ASAP1: variants seen among roughly 807,000 people sequenced by gnomAD.
The protein encoded by ASAP1 is arf-GAP with SH3 domain, ANK repeat and PH domain-containing protein 1.
ASAP1 carries 43 observed loss-of-function variants against 145.2 expected under a neutral mutation model. That is an observed-to-expected ratio of 0.30 (90% CI 0.23 to 0.38). ASAP1 has a LOEUF of 0.38. Ranked by LOEUF, ASAP1 falls within the 10% of genes least tolerant of loss-of-function variation. The pLI, the probability that ASAP1 is intolerant of heterozygous loss-of-function variation, is 1.00. For synonymous variants in ASAP1, 546 were observed against 515.5 expected (o/e 1.06, Z -0.80); for missense variants, 1,018 against 1,355.3 (o/e 0.75, Z 3.91).
chr8:130,240,882 GCTGC>G (rs1818485085), intron 3 of ASAP1, among the ~76,000 whole-genome samples: 4 of 152,086 alleles, frequency 2.6e-5, no homozygotes, highest in Non-Finnish European at 4.4e-5. Context: ...GATGCAGGCT[GCTGC>G]AAATCAGAGA....
At chr8:130,301,777 C>T (rs997962233) in intron 3 of ASAP1, among the ~76,000 whole-genome samples, 3 of 152,206 alleles carry the variant, frequency 2.0e-5, no homozygotes, top group Admixed American at 1.3e-4. Context: ...GACTGTCTTT[C>T]CATGTCAACA....
intron 27 of ASAP1, among the ~76,000 whole-genome samples, chr8:130,067,916 G>T (rs1048512119): frequency 6.6e-6 from 1 of 152,168 alleles, no homozygotes; most frequent in Admixed American, 6.5e-5. Context: ...TCTGCTGGGA[G>T]CCGTACACCA....
chr8:130,131,828 T>C (rs977419190), intron 15 of ASAP1, among the ~76,000 whole-genome samples: 7 of 151,992 alleles, frequency 4.6e-5, no homozygotes, highest in Non-Finnish European at 8.8e-5. Flanking sequence ...AAGTGCAAAA[T>C]GCGCAACTTC....
At chr8:130,256,638 T>G (rs1819532306) in intron 3 of ASAP1, among the ~76,000 whole-genome samples, 1 of 151,184 alleles carries the variant, frequency 6.6e-6, no homozygotes, top group Admixed American at 6.6e-5. Flanking sequence ...ACTTAGAAGC[T>G]AAGTATGTAG....
At chr8:130,242,393 T>G (rs998249937) in intron 3 of ASAP1, among the ~76,000 whole-genome samples, 1 of 152,050 alleles carries the variant, frequency 6.6e-6, no homozygotes, top group Non-Finnish European at 1.5e-5. Flanking sequence ...TGGATGCATT[T>G]GTCCCATAAT....
intron 3 of ASAP1, among the ~76,000 whole-genome samples, chr8:130,281,602 T>G (rs1170170909): frequency 1.3e-5 from 2 of 152,054 alleles, no homozygotes; most frequent in African/African-American, 4.8e-5. Context: ...TTTGGGGGGG[T>G]TAAAAAAACA....
intron 5 of ASAP1, among the ~76,000 whole-genome samples, chr8:130,203,544 T>C (rs1208499121): frequency 5.3e-5 from 8 of 152,154 alleles, no homozygotes; most frequent in Non-Finnish European, 8.8e-5. Flanking sequence ...CAGGCAACAT[T>C]GTGCAGAGGA....
intron 2 of ASAP1, among the ~76,000 whole-genome samples, chr8:130,395,353 T>C (rs1423593789): frequency 6.6e-6 from 1 of 152,224 alleles, no homozygotes; most frequent in African/African-American, 2.4e-5. Context: ...TGTGGACTTA[T>C]TTGGAAATAG....
intron 27 of ASAP1, among the ~76,000 whole-genome samples, chr8:130,071,548 T>C (rs1030286849): frequency 2.0e-5 from 3 of 152,174 alleles, no homozygotes; most frequent in Non-Finnish European, 4.4e-5. Context: ...GATTCTAATG[T>C]CCCTTCAAAA....
chr8:130,323,598 C>T (rs1269759338), intron 3 of ASAP1, among the ~76,000 whole-genome samples: 4 of 152,192 alleles, frequency 2.6e-5, no homozygotes, highest in Non-Finnish European at 4.4e-5. Context: ...TTTGACTCCT[C>T]CTACCTCCCT....
chr8:130,096,004 G>C (rs965380162), intron 24 of ASAP1, among the ~76,000 whole-genome samples: 1 of 152,212 alleles, frequency 6.6e-6, no homozygotes, highest in Non-Finnish European at 1.5e-5. Flanking sequence ...GGAGGGAACA[G>C]TGTTAAGTGT....
At chr8:130,222,682 G>GTAA (rs956697128) in intron 4 of ASAP1, among the ~76,000 whole-genome samples, 2 of 152,140 alleles carry the variant, frequency 1.3e-5, no homozygotes, top group Admixed American at 1.3e-4. Context: ...TATTGACAAA[G>GTAA]TAATAATAAT....
In ASAP1 at chr8:130,399,591, T is replaced by A. The variant is rs554220203; in HGVS notation, c.59+2294A>T. On this transcript the variant is annotated intron_variant, in intron 2 of 29. Coordinates refer to ENST00000518721, the MANE Select transcript of ASAP1 (RefSeq NM_018482.4). The stretch of plus-strand genomic sequence containing the variant: ...AGCCTCTCAGGTTGGCCTCTCTGCC[T>A]CCAGCCTCTCACTTCATCCACCCAT... Among the ~76,000 whole-genome samples, 6 of 152,320 alleles carry A rather than the reference T, an allele frequency of 3.9e-5. No homozygotes were observed. The East Asian group carries it at 1.2e-3, about 29-fold the overall frequency.
chr8:130,141,637 T>C (rs28572338), intron 13 of ASAP1, among the ~76,000 whole-genome samples: 5,059 of 152,224 alleles, frequency 0.033, 276 homozygotes, highest in African/African-American at 0.11. Flanking sequence ...AGCCTTGACC[T>C]CCCAGGCGAA....
Position 130,358,166 on chromosome 8 carries a change from A to C in ASAP1, c.60-23T>G, listed in dbSNP as rs925580327. ...ATCCTGCCGGGAGGGACGAGACACA[A>C]GCGGGGGCGGGGGGTGAGTCACGGC... On this transcript the variant is annotated intron_variant, in intron 2 of 29. Coordinates refer to ENST00000518721, the MANE Select transcript of ASAP1 (RefSeq NM_018482.4). The surrounding 1 kb of genome is among the most constrained non-coding windows in gnomAD (Gnocchi z 4.1). 7 of 1,585,238 alleles carry C rather than the reference A, an allele frequency of 4.4e-6. No homozygotes were observed. The East Asian group carries it at 9.2e-5, about 21-fold the overall frequency.
chr8:130,318,067 G>C (rs1054938600), intron 3 of ASAP1, among the ~76,000 whole-genome samples: 1 of 152,210 alleles, frequency 6.6e-6, no homozygotes, highest in African/African-American at 2.4e-5. Flanking sequence ...GCACTTGTTT[G>C]ATGGAATCCA....
At chr8:130,055,133 T>C (rs369228683) in intron 29 of ASAP1, among the ~76,000 whole-genome samples, 2 of 152,280 alleles carry the variant, frequency 1.3e-5, no homozygotes, top group African/African-American at 4.8e-5. Context: ...AGAGGTGACA[T>C]GCTCTCCCAC....
At chr8:130,272,586 T>C (rs1820651414) in intron 3 of ASAP1, among the ~76,000 whole-genome samples, 1 of 152,214 alleles carries the variant, frequency 6.6e-6, no homozygotes, top group South Asian at 2.1e-4. Context: ...ATAGCAAAGA[T>C]ATGCAGTTAA....
chr8:130,296,939 T>TG (rs1375529264), intron 3 of ASAP1, among the ~76,000 whole-genome samples: 1 of 152,094 alleles, frequency 6.6e-6, no homozygotes, highest in Non-Finnish European at 1.5e-5. Context: ...CTGTCTTTTT[T>TG]GGGGGGCTAA....
Sources: gnomAD v4.1 joint callset for allele counts (sites outside exome capture counted in the v4.1 genomes callset) on GRCh38, gnomAD v4.1.1 for gene constraint, Gnocchi (gnomAD v3.1) non-coding constraint, MANE v1.5 for transcripts, NCBI Gene and HGNC (gene_info 2026-07-23, HGNC 2026-07-21) for gene names.